Variants in OPA1 observed in about 807,000 individuals in gnomAD.
OPA1 encodes OPA1 mitochondrial dynamin like GTPase.
In OPA1, 59 loss-of-function variants were observed where a neutral mutation model predicts 152.9. The ratio of observed to expected loss-of-function variants is 0.39; its 90% CI spans 0.31 to 0.48. The LOEUF is 0.48. Among genes scored for constraint, OPA1 ranks in the 20% least tolerant of loss-of-function variants. OPA1 has a pLI of 0.96. For synonymous variants in OPA1, 400 were observed against 389.9 expected, an observed-to-expected ratio of 1.03 and a Z score of -0.31; for missense variants, 1,008 against 1,216.8, an observed-to-expected ratio of 0.83 and a Z score of 2.55.
At chr3:193,665,204 C>T (rs1352636060) in intron 27 of OPA1, among the ~76,000 whole-genome samples, 1 of 151,304 alleles carries the variant, frequency 6.6e-6, no homozygotes, top group African/African-American at 2.4e-5. Flanking sequence ...ATCCCCAATG[C>T]TTATAAGAAT....
At chr3:193,607,611 T>C (rs1727494142) in intron 1 of OPA1, among the ~76,000 whole-genome samples, 1 of 152,212 alleles carries the variant, frequency 6.6e-6, no homozygotes, top group Non-Finnish European at 1.5e-5. Context: ...TCTGTTCTGT[T>C]CCATTGGCCT....
intron 18 of OPA1, among the ~76,000 whole-genome samples, chr3:193,646,279 A>G (rs1170475682): frequency 1.3e-5 from 2 of 152,334 alleles, no homozygotes; most frequent in East Asian, 3.9e-4. Context: ...CTGGAAATAG[A>G]AAAGTATGTT....
intron 8 of OPA1, among the ~76,000 whole-genome samples, chr3:193,634,282 C>CAA (rs34565427): frequency 0.33 from 48,926 of 148,344 alleles, 8,492 homozygotes; most frequent in African/African-American, 0.45. Flanking sequence ...CAACTACTTA[C>CAA]AAAAAAAAAA....
At chr3:193,606,521 G>GT (rs1434543512) in intron 1 of OPA1, among the ~76,000 whole-genome samples, 2 of 151,614 alleles carry the variant, frequency 1.3e-5, no homozygotes, top group East Asian at 1.9e-4. Context: ...GCGGTGTTTG[G>GT]TTTTTTGTCC....
intron 1 of OPA1, among the ~76,000 whole-genome samples, chr3:193,596,172 T>C (rs528571554): frequency 9.9e-4 from 147 of 148,684 alleles, no homozygotes; most frequent in Non-Finnish European, 1.7e-3. Context: ...TCTGCATCAC[T>C]TAACTTTCCT....
At chr3:193,612,214 C>T (rs1728355843) in intron 1 of OPA1, among the ~76,000 whole-genome samples, 1 of 151,086 alleles carries the variant, frequency 6.6e-6, no homozygotes, top group African/African-American at 2.4e-5. Flanking sequence ...GTAGTTACAG[C>T]AGGCAGGCCT....
chr3:193,612,046 C>G (rs1004329953), intron 1 of OPA1, among the ~76,000 whole-genome samples: 5 of 152,072 alleles, frequency 3.3e-5, no homozygotes, highest in Non-Finnish European at 5.9e-5. Flanking sequence ...TTCACCAGCC[C>G]CCAGTATCAT....
rs1322047745 is a variant in OPA1, at chr3:193,692,100, C to T, written c.3021C>T (p.Phe1007=). The change falls in exon 30 of 31, where the codon TTC becomes TTT. Residue 1007 remains phenylalanine, a synonymous_variant. Transcript: ENST00000361510. The part of the protein sequence containing the change: ...VREIQEKLDA[F]IEALHQEK ...AAATTCAAGAAAAACTTGATGCTTTCATTGAAGCTCTTCATCAGGAGAAAT... is the reference window on the plus strand; with the variant it reads ...AAATTCAAGAAAAACTTGATGCTTTTATTGAAGCTCTTCATCAGGAGAAAT... 6.4e-7 allele frequency: 1 copy of T among 1,552,158 alleles called. No individual in the cohort carries two copies.
At chr3:193,658,352 A>G (rs893181335) in intron 23 of OPA1, among the ~76,000 whole-genome samples, 1 of 152,146 alleles carries the variant, frequency 6.6e-6, no homozygotes, top group Non-Finnish European at 1.5e-5. Context: ...TCCAAAAATT[A>G]TAAAATTTGG....
At chr3:193,668,130 A>T (rs137876472) in intron 29 of OPA1, among the ~76,000 whole-genome samples, 14 of 152,320 alleles carry the variant, frequency 9.2e-5, no homozygotes, top group African/African-American at 2.9e-4. Flanking sequence ...CTGTGAGTTG[A>T]TGCTGATACT....
intron 23 of OPA1, among the ~76,000 whole-genome samples, chr3:193,658,448 A>G (rs1168997303): frequency 1.3e-5 from 2 of 152,132 alleles, no homozygotes; most frequent in Admixed American, 6.5e-5. Context: ...CGTTGCTGTT[A>G]ACACTGGGAA....
rs1351958588 is a variant in OPA1, at chr3:193,642,814, C to T, written c.1199C>T (p.Ser400Phe). The T allele has an allele frequency of 3.1e-6, 5 of 1,613,426 alleles. No homozygotes were observed. Among genetic ancestry groups the T allele is most frequent in the Non-Finnish European group, 3.4e-6 (4 of 1,179,632 alleles). The change falls in exon 12 of 31, where the codon TCT becomes TTT. Residue 400 changes from serine to phenylalanine, a missense_variant. By Grantham distance (155) the Ser-to-Phe change is radical (BLOSUM62 -2). Coordinates refer to ENST00000361510, the MANE Select transcript of OPA1 (RefSeq NM_130837.3). Reference sequence around the variant, plus strand: ...CATGTGGCCCTATTTAAAGATAGTTCTCGGGAGTTTGATCTTACCAAAGAA... The same window carrying T: ...CATGTGGCCCTATTTAAAGATAGTTTTCGGGAGTTTGATCTTACCAAAGAA... ...PHHVALFKDSSREFDLTKEED... is the reference protein window; with the variant it reads ...PHHVALFKDSFREFDLTKEED...
intron 6 of OPA1, 97 bp downstream of exon 6, chr3:193,619,033 G>A: frequency 4.1e-6 from 4 of 964,316 alleles, no homozygotes; most frequent in African/African-American, 1.6e-5. Flanking sequence ...CATCTGAGAA[G>A]CAAATACAAA....
intron 1 of OPA1, among the ~76,000 whole-genome samples, chr3:193,594,413 A>C (rs1175048916): frequency 6.6e-6 from 1 of 152,224 alleles, no homozygotes; most frequent in Non-Finnish European, 1.5e-5. Context: ...TTTGAGACGG[A>C]GTCTTGCTCT....
At chr3:193,634,835 G>T (rs1228480737) in intron 8 of OPA1, among the ~76,000 whole-genome samples, 3 of 152,140 alleles carry the variant, frequency 2.0e-5, no homozygotes, top group Non-Finnish European at 4.4e-5. Flanking sequence ...CCTTGGTCAG[G>T]CTCTCAGATA....
rs765478201 is a variant in OPA1 at position 193,617,840 on chromosome 3, G to A, written c.610+3G>A. ...TTCTGACCTACTTCTCTTGTTAGGT[G>A]TGTAAACAGACATTTTTGCTGACCT... On this transcript the variant is annotated splice_donor_region_variant and intron_variant, in intron 5 of 30. Transcript: ENST00000361510. 2 of 1,608,048 alleles carry A rather than the reference G, an allele frequency of 1.2e-6. No homozygotes were observed. The highest frequency in any genetic ancestry group is 1.1e-5 in the South Asian group (1 of 90,954).
intron 21 of OPA1, among the ~76,000 whole-genome samples, 180 bp from the exon 22 acceptor site, chr3:193,654,682 G>A (rs1475791501): frequency 3.9e-5 from 6 of 152,158 alleles, no homozygotes; most frequent in Admixed American, 3.9e-4. Flanking sequence ...TACAACTTTT[G>A]AGGATGATGG....
At chr3:193,633,823 G>A (rs935014894) in intron 8 of OPA1, among the ~76,000 whole-genome samples, 2 of 152,072 alleles carry the variant, frequency 1.3e-5, no homozygotes, top group Non-Finnish European at 2.9e-5. Context: ...GCTAGTAGCT[G>A]CCGTGTTAAA....
At chr3:193,691,665 A>C in intron 29 of OPA1, 1 of 157,948 alleles carries the variant, frequency 6.3e-6, no homozygotes, top group Non-Finnish European at 1.4e-5. Context: ...ATTTTCTTTT[A>C]GTTTTTTAAA....
Sources: allele counts gnomAD v4.1 joint callset (sites outside exome capture counted in the v4.1 genomes callset), GRCh38; gene constraint gnomAD v4.1.1; transcripts MANE v1.5; gene names NCBI Gene and HGNC (gene_info 2026-07-23, HGNC 2026-07-21).